The following TSHZ2 variants were observed in gnomAD, a reference collection of about 807,000 sequenced individuals.
TSHZ2 encodes teashirt zinc finger homeobox 2, also known as teashirt homolog 2.
In TSHZ2, 21 loss-of-function variants were observed where a neutral mutation model predicts 74.4. The ratio of observed to expected loss-of-function variants is 0.28; its 90% CI spans 0.20 to 0.41. TSHZ2 has a LOEUF of 0.41. TSHZ2 is among the 10% of genes least tolerant of loss of function. The pLI, the probability that TSHZ2 is intolerant of heterozygous loss-of-function variation, is 1.00. For synonymous variants in TSHZ2, 540 were observed against 515.3 expected (o/e 1.05, Z -0.65); for missense variants, 1,244 against 1,293.5 (o/e 0.96, Z 0.59).
chr20:53,305,070 G>A (rs1050059583), intron 2 of TSHZ2, among the ~76,000 whole-genome samples: 1 of 151,840 alleles, frequency 6.6e-6, no homozygotes, highest in Non-Finnish European at 1.5e-5. Context: ...CAAGTAGCTG[G>A]GACTGCAGGT....
rs1452656613 is a variant in TSHZ2, at chr20:53,219,686, AAAG to A, written c.41-33809_41-33807del. Among the ~76,000 whole-genome samples the A allele has an allele frequency of 3.3e-5, 5 of 152,194 alleles. No individual in the cohort carries two copies. The East Asian group carries it at 7.7e-4, about 23-fold the overall frequency. ...AACCTTATAAAGAGCTCCAGCGATC[AAAG>A]AAGTTACCTATACTCAGCCACAGCC... On this transcript the variant is annotated intron_variant, in intron 1 of 2. Coordinates refer to ENST00000371497, the MANE Select transcript of TSHZ2 (RefSeq NM_173485.6).
intron 1 of TSHZ2, among the ~76,000 whole-genome samples, chr20:52,988,582 T>C (rs1346255142): frequency 6.6e-6 from 1 of 151,268 alleles, no homozygotes; most frequent in Non-Finnish European, 1.5e-5. Context: ...GTAAGTCAAT[T>C]GTGTTGTAGA....
intron 1 of TSHZ2, among the ~76,000 whole-genome samples, chr20:53,067,312 A>C (rs1045206495): frequency 6.6e-6 from 1 of 152,220 alleles, no homozygotes; most frequent in African/African-American, 2.4e-5. Context: ...ATTCTTGAGC[A>C]GGTTTTTTGT....
intron 2 of TSHZ2, among the ~76,000 whole-genome samples, chr20:53,325,121 T>G (rs996625365): frequency 6.6e-6 from 1 of 152,168 alleles, no homozygotes; most frequent in African/African-American, 2.4e-5. Flanking sequence ...AAAATGGAGA[T>G]CCATGTTTTT....
intron 2 of TSHZ2, among the ~76,000 whole-genome samples, chr20:53,482,924 AAAAG>A (rs879379396): frequency 8.5e-5 from 13 of 152,122 alleles, no homozygotes; most frequent in South Asian, 2.1e-4. Context: ...CAGAAAAAGA[AAAAG>A]AAATAATTTT....
intron 1 of TSHZ2, among the ~76,000 whole-genome samples, chr20:53,134,573 T>C (rs1422744525): frequency 6.6e-6 from 1 of 152,152 alleles, no homozygotes; most frequent in East Asian, 1.9e-4. Flanking sequence ...GTCTGTGTCT[T>C]CCGAAGGAGA....
In TSHZ2 at chr20:53,152,804, A is replaced by G. The variant is rs139011537; in HGVS notation, c.41-100695A>G. Among the ~76,000 whole-genome samples the G allele has an allele frequency of 1.8e-3, 278 of 152,350 alleles. 2 individuals carry two copies. The highest frequency in any genetic ancestry group is 3.3e-3 in the Non-Finnish European group (222 of 68,036). ...GGTGAAATGATAAAAGCATAAGCCCAGAAACTCAGGGAACTACAGCAGAGA... is the reference window on the plus strand; with the variant it reads ...GGTGAAATGATAAAAGCATAAGCCCGGAAACTCAGGGAACTACAGCAGAGA... On this transcript the variant is annotated intron_variant, in intron 1 of 2. Coordinates refer to ENST00000371497, the MANE Select transcript of TSHZ2 (RefSeq NM_173485.6).
chr20:53,352,752 C>T (rs1487107338), intron 2 of TSHZ2, among the ~76,000 whole-genome samples: 4 of 134,728 alleles, frequency 3.0e-5, no homozygotes, highest in African/African-American at 1.1e-4. Context: ...CCAGCCTGGG[C>T]GACAAAGTGA....
chr20:53,376,873 T>C (rs1981677027), intron 2 of TSHZ2, among the ~76,000 whole-genome samples: 1 of 152,268 alleles, frequency 6.6e-6, no homozygotes, highest in Admixed American at 6.5e-5. Context: ...TCTTATGACC[T>C]AGCTTCAGAA....
chr20:53,369,035 G>A (rs2145618648), intron 2 of TSHZ2, among the ~76,000 whole-genome samples: 1 of 152,302 alleles, frequency 6.6e-6, no homozygotes, highest in South Asian at 2.1e-4. Flanking sequence ...GCCGAGGTGG[G>A]CAGATCACTT....
At position 52,972,802 on chromosome 20, in the gene TSHZ2, A is replaced by C; in HGVS notation, c.-492A>C. The C allele has an allele frequency of 5.7e-6, 1 of 175,212 alleles. No homozygotes were observed. The highest frequency in any genetic ancestry group is 1.2e-5 in the Non-Finnish European group (1 of 84,916). 10.9% of individuals were successfully genotyped at this position (175,212 alleles called of 1,614,324 possible). A position where few individuals can be genotyped will look rare whatever the true frequency, so the allele number is the denominator to read the frequency against. On this transcript the variant is annotated 5_prime_UTR_variant, in exon 1 of 3. Transcript: ENST00000371497. Reference sequence around the variant, plus strand: ...AGAAGGAAGAAGAAGAAAAAGAAGAAACCCACTACCTTCCCAGGATTGCCT... The same window carrying C: ...AGAAGGAAGAAGAAGAAAAAGAAGACACCCACTACCTTCCCAGGATTGCCT...
Position 53,447,138 on chromosome 20 carries a change from C to T in TSHZ2, c.*9-40006C>T, listed in dbSNP as rs1380814306. On this transcript the variant is annotated intron_variant, in intron 2 of 2. Transcript: ENST00000371497. Reference sequence around the variant, plus strand: ...CAGAGACTGCTGCATAAGCATAACCCAACAGGAAATTAGATGCCAATCTCC... The same window carrying T: ...CAGAGACTGCTGCATAAGCATAACCTAACAGGAAATTAGATGCCAATCTCC... 2.6e-5 allele frequency among the ~76,000 whole-genome samples: 4 copies of T among 152,186 alleles called. No individual in the cohort carries two copies. In the East Asian group the frequency reaches 7.7e-4, roughly 29 times the overall value.
At chr20:52,987,805 G>A (rs1369111099) in intron 1 of TSHZ2, among the ~76,000 whole-genome samples, 4 of 152,116 alleles carry the variant, frequency 2.6e-5, no homozygotes, top group Admixed American at 6.5e-5. Context: ...TTGTCTGCTT[G>A]GGAGCCAGCT....
intron 1 of TSHZ2, among the ~76,000 whole-genome samples, chr20:53,041,890 T>C (rs1325095175): frequency 6.6e-6 from 1 of 152,244 alleles, no homozygotes; most frequent in Non-Finnish European, 1.5e-5. Flanking sequence ...TCATTCCTTC[T>C]TCTAACTTCT....
intron 2 of TSHZ2, among the ~76,000 whole-genome samples, chr20:53,435,417 T>C (rs1402910556): frequency 1.3e-5 from 2 of 152,208 alleles, no homozygotes; most frequent in Admixed American, 1.3e-4. Context: ...TGAGCACATA[T>C]TGCAGAAAGA....
intron 2 of TSHZ2, among the ~76,000 whole-genome samples, chr20:53,432,101 G>C (rs116437382): frequency 0.015 from 2,255 of 152,230 alleles, 64 homozygotes; most frequent in African/African-American, 0.05. Context: ...TACCCAAAAT[G>C]TAGTTTTTTC....
At chr20:53,155,651 C>A (rs1568786305) in intron 1 of TSHZ2, among the ~76,000 whole-genome samples, 1 of 151,786 alleles carries the variant, frequency 6.6e-6, no homozygotes, top group Non-Finnish European at 1.5e-5. Context: ...TTGGGAAGAC[C>A]CACTCTGAAA....
rs142760620 is a variant in TSHZ2 at position 53,076,635 on chromosome 20, A to C, written c.40+103302A>C. 3.9e-5 allele frequency among the ~76,000 whole-genome samples: 6 copies of C among 152,356 alleles called. No homozygotes were observed. In the East Asian group the frequency reaches 1.2e-3, roughly 29 times the overall value. On this transcript the variant is annotated intron_variant, in intron 1 of 2. Transcript: ENST00000371497. ...AAGCTCACAGCTAAAAAAGAAAAAA[A>C]CAGCACTAAATTAGGTTGATGGTGG...
chr20:53,415,469 C>A (rs1305206875), intron 2 of TSHZ2, among the ~76,000 whole-genome samples: 1 of 152,010 alleles, frequency 6.6e-6, no homozygotes, highest in Non-Finnish European at 1.5e-5. Flanking sequence ...CCTTCTTCCT[C>A]TTCCTCCAGG....
Sources: gnomAD v4.1 joint callset for allele counts (sites outside exome capture counted in the v4.1 genomes callset) on GRCh38, gnomAD v4.1.1 for gene constraint, MANE v1.5 for transcripts, NCBI Gene and HGNC (gene_info 2026-07-23, HGNC 2026-07-21) for gene names.